The following NGLY1 variants were observed in gnomAD, a reference collection of about 807,000 sequenced individuals.
The protein encoded by NGLY1 is peptide-N(4)-(N-acetyl-beta-glucosaminyl)asparagine amidase.
In NGLY1, 68 loss-of-function variants were observed where a neutral mutation model predicts 84.6. The ratio of observed to expected loss-of-function variants is 0.80; its 90% CI spans 0.66 to 0.98. NGLY1 has a LOEUF of 0.98. NGLY1 is among the 50% of genes least tolerant of loss of function. The pLI is 0.00. For missense variants in NGLY1, 779 were observed against 770.2 expected, an observed-to-expected ratio of 1.01 and a Z score of -0.14; for synonymous variants, 280 against 275.2, an observed-to-expected ratio of 1.02 and a Z score of -0.17.
chr3:25,736,954 T>G (rs973055973), intron 6 of NGLY1: 4 of 169,190 alleles, frequency 2.4e-5, no homozygotes, highest in African/African-American at 9.5e-5. Flanking sequence ...AGAGAGTAAT[T>G]CAAATGTTTC....
chr3:25,734,276 C>G (rs1368934996), intron 7 of NGLY1: 2 of 194,036 alleles, frequency 1.0e-5, no homozygotes, highest in African/African-American at 4.7e-5. Flanking sequence ...ACCATGTTGG[C>G]TAGGCTGGTC....
intron 2 of NGLY1, among the ~76,000 whole-genome samples, chr3:25,769,743 T>A (rs888473183): frequency 2.6e-4 from 39 of 152,254 alleles, no homozygotes; most frequent in Admixed American, 3.9e-4. Flanking sequence ...TTTAATTTTT[T>A]AAAAAAAATT....
chr3:25,781,107 G>T (rs1452281450), intron 1 of NGLY1, among the ~76,000 whole-genome samples: 1 of 151,908 alleles, frequency 6.6e-6, no homozygotes, highest in African/African-American at 2.4e-5. Context: ...CTGCCACCAC[G>T]CTTGGCTAAT....
intron 10 of NGLY1, among the ~76,000 whole-genome samples, chr3:25,722,193 G>A (rs1439978753): frequency 1.3e-5 from 2 of 151,132 alleles, no homozygotes; most frequent in East Asian, 3.9e-4. Context: ...CTCCAGCCCG[G>A]GTGACAGAGC....
In NGLY1 at chr3:25,783,161, G is replaced by T; in HGVS notation, c.131+99C>A. 8.8e-7 allele frequency: 1 copy of T among 1,139,136 alleles called. No individual in the cohort carries two copies. Among genetic ancestry groups the T allele is most frequent in the Non-Finnish European group, 1.3e-6 (1 of 784,054 alleles). 70.6% of individuals were successfully genotyped at this position (1,139,136 alleles called of 1,614,324 possible). The stretch of plus-strand genomic sequence containing the variant: ...GGTCCCGGTCTGTCCGGGCGTCGCT[G>T]CCCTCTGAAGCTCAGGCCGGACGCC... On this transcript the variant is annotated intron_variant, in intron 1 of 11. Coordinates refer to ENST00000280700, the MANE Select transcript of NGLY1 (RefSeq NM_018297.4). The surrounding 1 kb of genome is among the most constrained non-coding windows in gnomAD (Gnocchi z 4.5).
chr3:25,774,944 T>G (rs1196994043), intron 2 of NGLY1, among the ~76,000 whole-genome samples: 1 of 152,212 alleles, frequency 6.6e-6, no homozygotes, highest in African/African-American at 2.4e-5. Context: ...AATGGCTTCC[T>G]TGGTGGCCAG....
intron 3 of NGLY1, among the ~76,000 whole-genome samples, chr3:25,756,384 T>G (rs1437716361): frequency 6.6e-6 from 1 of 152,238 alleles, no homozygotes; most frequent in South Asian, 2.1e-4. Flanking sequence ...GTGATTCACT[T>G]TAACCTGATG....
At chr3:25,719,881 A>AT (rs1199388713) in intron 11 of NGLY1, 133 bp downstream of exon 11, 126 of 686,296 alleles carry the variant, frequency 1.8e-4, no homozygotes, top group Middle Eastern at 4.3e-4. Context: ...GGGTTTATTA[A>AT]ATTTTTTTTT....
At chr3:25,744,442 T>C (rs765697808) in intron 4 of NGLY1, among the ~76,000 whole-genome samples, 4 of 152,128 alleles carry the variant, frequency 2.6e-5, no homozygotes, top group African/African-American at 4.8e-5. Context: ...CCCCAGTCCA[T>C]AGACCCAGAA....
intron 2 of NGLY1, among the ~76,000 whole-genome samples, chr3:25,766,705 A>G (rs1707595610): frequency 6.6e-6 from 1 of 152,184 alleles, no homozygotes; most frequent in Admixed American, 6.5e-5. Flanking sequence ...CTGATCTCAT[A>G]ATGTTACTGG....
intron 2 of NGLY1, among the ~76,000 whole-genome samples, chr3:25,766,768 T>C (rs561889873): frequency 1.3e-5 from 2 of 152,252 alleles, no homozygotes; most frequent in African/African-American, 4.8e-5. Context: ...AAAAAGAGCA[T>C]GACAGGTTAT....
chr3:25,788,047 A>G (rs141540635), upstream of NGLY1, among the ~76,000 whole-genome samples: 490 of 152,352 alleles, frequency 3.2e-3, no homozygotes, highest in African/African-American at 0.011. Flanking sequence ...ATTCCACTAT[A>G]GCACCTGTTT....
chr3:25,735,981 AG>A (rs752955610), intron 7 of NGLY1, 22 bp downstream of exon 7: 111 of 1,562,648 alleles, frequency 7.1e-5, no homozygotes, highest in Middle Eastern at 5.1e-4. Flanking sequence ...TTTGGAAAAA[AG>A]TTTTTTTCTT....
At chr3:25,789,844 A>G (rs2125337390) in intron 1 of NGLY1, 2 of 1,551,672 alleles carry the variant, frequency 1.3e-6, no homozygotes, top group South Asian at 2.4e-5. Flanking sequence ...TGCCTTTTTG[A>G]TGGGTGAAAA....
intron 1 of NGLY1, among the ~76,000 whole-genome samples, chr3:25,781,192 C>T: frequency 6.6e-6 from 1 of 152,122 alleles, no homozygotes; most frequent in Non-Finnish European, 1.5e-5. Context: ...CTCAAGCAAT[C>T]CGCCCACCTT....
upstream of NGLY1, among the ~76,000 whole-genome samples, chr3:25,786,989 A>C (rs550024999): frequency 6.6e-6 from 1 of 152,244 alleles, no homozygotes; most frequent in Non-Finnish European, 1.5e-5. Context: ...CATAGAAGTC[A>C]TAAGTTTAGA....
intron 2 of NGLY1, among the ~76,000 whole-genome samples, chr3:25,774,759 G>A (rs756569558): frequency 2.0e-5 from 3 of 151,718 alleles, no homozygotes; most frequent in East Asian, 3.9e-4. Context: ...ACCCCTCTCC[G>A]TCTGCCTTGG....
intron 2 of NGLY1, among the ~76,000 whole-genome samples, chr3:25,772,033 C>T (rs568005064): frequency 1.7e-3 from 256 of 152,256 alleles, no homozygotes; most frequent in Non-Finnish European, 2.7e-3. Flanking sequence ...TTTCTCTTGT[C>T]TGACTGCTCT....
chr3:25,725,288 C>T (rs1298629504), intron 10 of NGLY1, among the ~76,000 whole-genome samples: 2 of 152,232 alleles, frequency 1.3e-5, no homozygotes, highest in East Asian at 3.9e-4. Context: ...GAGCTGATCA[C>T]ATGGAGGTTC....
Sources: allele counts gnomAD v4.1 joint callset (sites outside exome capture counted in the v4.1 genomes callset), GRCh38; gene constraint gnomAD v4.1.1; non-coding constraint Gnocchi (gnomAD v3.1); transcripts MANE v1.5; gene names NCBI Gene and HGNC (gene_info 2026-07-23, HGNC 2026-07-21).